Variants in THAP9 observed in about 807,000 individuals in gnomAD.
THAP9 encodes the protein THAP domain containing 9, also known as DNA transposase THAP9.
In THAP9, 20 loss-of-function variants were observed where a neutral mutation model predicts 35.7. That is an observed-to-expected ratio of 0.56 (90% CI 0.39 to 0.81). THAP9 has a LOEUF of 0.81. THAP9 is among the 40% of genes least tolerant of loss of function. THAP9 has a pLI of 0.00. For missense variants in THAP9, 870 were observed against 1,047.4 expected, an observed-to-expected ratio of 0.83 and a Z score of 2.34; for synonymous variants, 335 against 373.7, an observed-to-expected ratio of 0.90 and a Z score of 1.19.
chr4:82,904,615 A>G, intron 1 of THAP9, 121 bp from the exon 2 acceptor site: 2 of 900,386 alleles, frequency 2.2e-6, no homozygotes, highest in Non-Finnish European at 3.2e-6. Context: ...TAAACTTTTA[A>G]TTCACTTGGC....
intron 1 of THAP9, among the ~76,000 whole-genome samples, chr4:82,901,713 T>G (rs2126009514): frequency 6.7e-6 from 1 of 149,450 alleles, no homozygotes; most frequent in African/African-American, 2.4e-5. Flanking sequence ...TTCATTGATT[T>G]TTTTTTTTTT....
chr4:82,904,614 A>T, intron 1 of THAP9, 122 bp from the exon 2 acceptor site: 1 of 891,396 alleles, frequency 1.1e-6, no homozygotes, highest in Non-Finnish European at 1.6e-6. Context: ...TTAAACTTTT[A>T]ATTCACTTGG....
At position 82,900,820 on chromosome 4, in the gene THAP9, C is replaced by T. The variant is rs1400091705; in HGVS notation, c.18C>T (p.Ser6=). 3 of 1,613,548 alleles carry T rather than the reference C, an allele frequency of 1.9e-6. No homozygotes were observed. In the African/African-American group the frequency reaches 4.0e-5, roughly 22 times the overall value. Residue 6 remains serine, a synonymous_variant, in exon 1 of 5, where the codon TCC becomes TCT. Coordinates refer to ENST00000302236, the MANE Select transcript of THAP9 (RefSeq NM_024672.6). MTRSC[S]AVGCSTRDTV... is the part of the protein sequence containing the mutation. Reference sequence around the variant, plus strand: ...ACAAGAAGATGACCCGAAGTTGCTCCGCAGTGGGCTGCAGCACCCGTGACA... The same window carrying T: ...ACAAGAAGATGACCCGAAGTTGCTCTGCAGTGGGCTGCAGCACCCGTGACA...
At chr4:82,912,302 T>C (rs558784780) in intron 4 of THAP9, among the ~76,000 whole-genome samples, 1 of 152,252 alleles carries the variant, frequency 6.6e-6, no homozygotes, top group East Asian at 1.9e-4. Context: ...TTATATTTCC[T>C]CTGTTTCTAA....
intron 4 of THAP9, among the ~76,000 whole-genome samples, chr4:82,912,710 C>A (rs6849955): frequency 0.42 from 63,465 of 152,070 alleles, 16,630 homozygotes; most frequent in Admixed American, 0.58. Context: ...TTTACCTTGG[C>A]ATGTTATTCC....
intron 4 of THAP9, chr4:82,910,694 C>A: frequency 1.7e-6 from 1 of 596,150 alleles, no homozygotes; most frequent in South Asian, 1.6e-5. Context: ...ATTTATTGAT[C>A]AGGAGCGGCC....
intron 2 of THAP9, chr4:82,905,795 G>A: frequency 2.0e-5 from 9 of 450,800 alleles, no homozygotes; most frequent in South Asian, 1.4e-4. Context: ...ATTGTACTAG[G>A]AGATTTACAT....
intron 3 of THAP9, 67 bp from the exon 4 acceptor site, chr4:82,907,718 A>G (rs1432776167): frequency 2.5e-6 from 3 of 1,198,158 alleles, no homozygotes; most frequent in African/African-American, 1.6e-5. Flanking sequence ...TTTATATCCA[A>G]ATGCTATAAT....
chr4:82,907,682 T>C, intron 3 of THAP9, 103 bp from the exon 4 acceptor site: 1 of 846,374 alleles, frequency 1.2e-6, no homozygotes. Context: ...ACTATATTTG[T>C]ATTTGAATTC....
intron 3 of THAP9, 91 bp downstream of exon 3, chr4:82,906,718 C>G: frequency 7.8e-7 from 1 of 1,277,570 alleles, no homozygotes; most frequent in African/African-American, 1.5e-5. Context: ...CCTATGAAAA[C>G]ATGCTTTCAG....
chr4:82,919,178 G>A lies in THAP9; in HGVS notation c.*254G>A, dbSNP rs753190237. 9.5e-6 allele frequency: 3 copies of A among 314,942 alleles called. No individual in the cohort carries two copies. Among genetic ancestry groups the A allele is most frequent in the Non-Finnish European group, 1.7e-5 (3 of 172,070 alleles). 19.5% of individuals were successfully genotyped at this position (314,942 alleles called of 1,614,324 possible). ...AAACTAGCCAACAGGTACTGTCTTTGAATTTACTACTGTAAGACTAAGCAG... is the reference window on the plus strand; with the variant it reads ...AAACTAGCCAACAGGTACTGTCTTTAAATTTACTACTGTAAGACTAAGCAG... On this transcript the variant is annotated 3_prime_UTR_variant, in exon 5 of 5. Transcript: ENST00000302236.
In THAP9 at chr4:82,917,668, G is replaced by GCAT; in HGVS notation, c.1456_1457insCAT (p.Val486delinsAlaLeu). The stretch of plus-strand genomic sequence containing the variant: ...TGCCACCCAACTCTTTAGTGAGAGT[G>GCAT]TAGCCAGTGCATTAGAATATTTGTT... On this transcript the variant is annotated protein_altering_variant, in exon 5 of 5. Coordinates refer to ENST00000302236, the MANE Select transcript of THAP9 (RefSeq NM_024672.6). The GCAT allele has an allele frequency of 6.2e-7, 1 of 1,613,312 alleles. No individual in the cohort carries two copies. The highest frequency in any genetic ancestry group is 8.5e-7 in the Non-Finnish European group (1 of 1,179,546).
At chr4:82,905,036 T>C (rs1220782328) in intron 2 of THAP9, 105 bp downstream of exon 2, 9 of 1,009,678 alleles carry the variant, frequency 8.9e-6, no homozygotes, top group South Asian at 1.7e-5. Flanking sequence ...AAAACCCAAG[T>C]CTTAAATCCA....
In THAP9 at chr4:82,906,513, G is replaced by T. The variant is rs571856861; in HGVS notation, c.466G>T (p.Val156Leu). 1.9e-6 allele frequency: 3 copies of T among 1,613,746 alleles called. No individual in the cohort carries two copies. Among genetic ancestry groups the T allele is most frequent in the South Asian group, 2.2e-5 (2 of 91,066 alleles). The change falls in exon 3 of 5, where the codon GTA (valine) becomes TTA (leucine). Residue 156 changes from valine (V) to leucine (L), a missense_variant. By Grantham distance (32) the Val-to-Leu change is conservative. Around this residue, in one of 3 missense-constraint regions of THAP9, gnomAD observed 440 missense variants for 501.2 expected, o/e 0.88. Transcript: ENST00000302236. Reference protein sequence around the residue: ...LQVSKKRLISVKNYRMIKKRK... With the variant: ...LQVSKKRLISLKNYRMIKKRK... ...AGTGTCCAAAAAAAGACTTATCTCC[G>T]TAAAGAACTACAGGATGATCAAGAA...
At chr4:82,900,963 G>A in intron 1 of THAP9, 81 bp downstream of exon 1, 2 of 1,526,666 alleles carry the variant, frequency 1.3e-6, no homozygotes, top group Middle Eastern at 1.8e-4. Flanking sequence ...GCGGGGCCGG[G>A]CCGCACTGTG....
chr4:82,901,630 C>T (rs1163228963), intron 1 of THAP9, among the ~76,000 whole-genome samples: 2 of 151,778 alleles, frequency 1.3e-5, no homozygotes, highest in African/African-American at 2.4e-5. Context: ...GGAAAAGTAC[C>T]TGAGAAACCA....
intron 4 of THAP9, among the ~76,000 whole-genome samples, chr4:82,908,943 C>T (rs551187118): frequency 1.3e-5 from 2 of 148,406 alleles, no homozygotes; most frequent in Admixed American, 6.9e-5. Flanking sequence ...CTTGCTCTGT[C>T]GCTCAGGCTA....
chr4:82,906,271 C>T, intron 2 of THAP9, 53 bp from the exon 3 acceptor site: 3 of 1,410,462 alleles, frequency 2.1e-6, no homozygotes, highest in Non-Finnish European at 1.9e-6. Context: ...TTTACAGATA[C>T]TCTTCTATGT....
Position 82,918,305 on chromosome 4 carries a change from A to C in THAP9, c.2093A>C (p.His698Pro). Residue 698 changes from histidine to proline, a missense_variant, in exon 5 of 5, where the codon CAT becomes CCT. Physicochemically the swap from His to Pro is moderately conservative, Grantham distance 77. This residue lies in a region of THAP9 where 414 missense variants were observed against 500.8 expected (regional missense o/e 0.83). Transcript: ENST00000302236. ...HEEGICQDWS[H>P]CSLSEALLDL... Reference sequence around the variant, plus strand: ...GAGGGTATTTGTCAAGACTGGTCTCATTGTTCACTAAGTGAGGCATTACTA... The same window carrying C: ...GAGGGTATTTGTCAAGACTGGTCTCCTTGTTCACTAAGTGAGGCATTACTA... The C allele has an allele frequency of 1.9e-6, 3 of 1,614,164 alleles. 1 individual carries two copies. In the South Asian group the frequency reaches 3.3e-5, roughly 18 times the overall value.
Sources: gnomAD v4.1 joint callset for allele counts (sites outside exome capture counted in the v4.1 genomes callset) on GRCh38, gnomAD v4.1.1 for gene constraint, gnomAD v4.1.1 regional missense constraint, MANE v1.5 for transcripts, NCBI Gene and HGNC (gene_info 2026-07-23, HGNC 2026-07-21) for gene names.